The following ITGA8 variants were observed in gnomAD, a reference collection of about 807,000 sequenced individuals.
ITGA8 encodes the protein integrin subunit alpha 8.
ITGA8 carries 91 observed loss-of-function variants against 142.3 expected under a neutral mutation model. The ratio of observed to expected loss-of-function variants is 0.64; its 90% CI spans 0.54 to 0.76. The LOEUF is 0.76. Ranked by LOEUF, ITGA8 falls within the 30% of genes least tolerant of loss-of-function variation. The pLI is 0.00. For missense variants in ITGA8, 1,406 were observed against 1,327.7 expected, an observed-to-expected ratio of 1.06 and a Z score of -0.92; for synonymous variants, 505 against 485.2, an observed-to-expected ratio of 1.04 and a Z score of -0.54.
chr10:15,676,310 G>A (rs1184313446), intron 6 of ITGA8, among the ~76,000 whole-genome samples: 1 of 152,166 alleles, frequency 6.6e-6, no homozygotes, highest in Non-Finnish European at 1.5e-5. Flanking sequence ...GCAAGAATTA[G>A]AAGACGTAAT....
intron 4 of ITGA8, among the ~76,000 whole-genome samples, chr10:15,682,268 G>C (rs1435420501): frequency 6.6e-6 from 1 of 152,074 alleles, no homozygotes; most frequent in Non-Finnish European, 1.5e-5. Flanking sequence ...CCTTGAACAG[G>C]GGGCTTTTTC....
intron 8 of ITGA8, among the ~76,000 whole-genome samples, chr10:15,668,472 C>T (rs964132844): frequency 8.1e-5 from 12 of 148,370 alleles, no homozygotes; most frequent in Admixed American, 3.4e-4. Flanking sequence ...ACTCTTTATG[C>T]GATTTGCCAG....
intron 25 of ITGA8, among the ~76,000 whole-genome samples, 179 bp from the exon 26 acceptor site, chr10:15,558,381 A>G (rs1833920953): frequency 6.6e-6 from 1 of 152,222 alleles, no homozygotes; most frequent in African/African-American, 2.4e-5. Context: ...CACAAGGAAC[A>G]AGCTTTTCCA....
At chr10:15,691,504 C>T (rs575859394) in intron 2 of ITGA8, among the ~76,000 whole-genome samples, 2 of 152,246 alleles carry the variant, frequency 1.3e-5, no homozygotes, top group African/African-American at 4.8e-5. Flanking sequence ...ACAATTTTGC[C>T]TTAAAAGAGG....
At chr10:15,685,717 A>G (rs1387307315) in intron 3 of ITGA8, among the ~76,000 whole-genome samples, 1 of 152,206 alleles carries the variant, frequency 6.6e-6, no homozygotes, top group Non-Finnish European at 1.5e-5. Flanking sequence ...TTAGAATTAC[A>G]TTATGGTAAA....
At chr10:15,528,994 CCTTCTT>C (rs766022075) in intron 28 of ITGA8, among the ~76,000 whole-genome samples, 20 of 124,102 alleles carry the variant, frequency 1.6e-4, no homozygotes, top group African/African-American at 5.8e-4. Flanking sequence ...TTCTTTCCTT[CCTTCTT>C]CCCTTCCCCT....
intron 8 of ITGA8, among the ~76,000 whole-genome samples, chr10:15,667,351 T>G (rs538535103): frequency 4.5e-4 from 69 of 152,146 alleles, no homozygotes; most frequent in East Asian, 9.7e-4. Flanking sequence ...ATTTCTGTGG[T>G]ATCGGTGGTG....
At chr10:15,565,807 T>C (rs10796317) in intron 25 of ITGA8, among the ~76,000 whole-genome samples, 151,422 of 151,864 alleles carry the variant, frequency 1, 75,494 homozygotes, top group Middle Eastern at 1. Flanking sequence ...CCAGGCTGGT[T>C]TTGAACTCCT....
chr10:15,703,439 T>G (rs1189048768), intron 2 of ITGA8, among the ~76,000 whole-genome samples: 1 of 152,210 alleles, frequency 6.6e-6, no homozygotes, highest in African/African-American at 2.4e-5. Flanking sequence ...CTAAGTAGTA[T>G]GTATGATTTG....
At chr10:15,681,334 G>A (rs1834733274) in intron 4 of ITGA8, among the ~76,000 whole-genome samples, 1 of 152,124 alleles carries the variant, frequency 6.6e-6, no homozygotes, top group Admixed American at 6.5e-5. Flanking sequence ...GATCTGAGGA[G>A]GAAGAAGTAC....
intron 12 of ITGA8, among the ~76,000 whole-genome samples, chr10:15,645,166 T>C (rs1319496498): frequency 2.0e-5 from 3 of 151,498 alleles, no homozygotes; most frequent in African/African-American, 7.3e-5. Flanking sequence ...TATTGTCTTG[T>C]GTCAGGCGAA....
chr10:15,566,145 C>T (rs933702024), intron 25 of ITGA8, among the ~76,000 whole-genome samples: 11 of 152,146 alleles, frequency 7.2e-5, no homozygotes, highest in Admixed American at 1.3e-4. Context: ...TCCTAAAGAA[C>T]GGACGGTTTC....
At chr10:15,642,225 CCTGAAGGG>C (rs1283389246) in intron 13 of ITGA8, among the ~76,000 whole-genome samples, 1 of 152,114 alleles carries the variant, frequency 6.6e-6, no homozygotes, top group Non-Finnish European at 1.5e-5. Context: ...ATTTTTTCTC[CCTGAAGGG>C]AGTATTCCTG....
chr10:15,673,376 C>T (rs1277044141), intron 6 of ITGA8, among the ~76,000 whole-genome samples: 1 of 152,124 alleles, frequency 6.6e-6, no homozygotes, highest in Non-Finnish European at 1.5e-5. Context: ...AGCCACAGCG[C>T]CCGGCCATGA....
intron 2 of ITGA8, among the ~76,000 whole-genome samples, chr10:15,705,667 C>A (rs1213736065): frequency 1.3e-5 from 2 of 152,214 alleles, no homozygotes; most frequent in Non-Finnish European, 2.9e-5. Flanking sequence ...GCTACACACA[C>A]TTACTCTCTC....
chr10:15,616,602 G>A, intron 13 of ITGA8, 43 bp from the exon 14 acceptor site: 1 of 1,540,838 alleles, frequency 6.5e-7, no homozygotes, highest in Non-Finnish European at 9.0e-7. Context: ...GAATCGTATA[G>A]AAACAATTTA....
At chr10:15,629,676 C>T (rs954636737) in intron 13 of ITGA8, among the ~76,000 whole-genome samples, 1 of 152,070 alleles carries the variant, frequency 6.6e-6, no homozygotes, top group Non-Finnish European at 1.5e-5. Context: ...CCTGGAATCC[C>T]AGCACTATGG....
intron 13 of ITGA8, among the ~76,000 whole-genome samples, chr10:15,620,034 A>T (rs1833460444): frequency 6.6e-6 from 1 of 152,270 alleles, no homozygotes; most frequent in South Asian, 2.1e-4. Flanking sequence ...CCAGGGCAGG[A>T]ATCTTTACGT....
intron 8 of ITGA8, among the ~76,000 whole-genome samples, chr10:15,670,557 T>C (rs896096473): frequency 1.3e-5 from 2 of 152,108 alleles, no homozygotes; most frequent in African/African-American, 4.8e-5. Context: ...ATAATAACAA[T>C]ACATAACAAT....
Sources: allele counts gnomAD v4.1 joint callset (sites outside exome capture counted in the v4.1 genomes callset), GRCh38; gene constraint gnomAD v4.1.1; transcripts MANE v1.5; gene names NCBI Gene and HGNC (gene_info 2026-07-23, HGNC 2026-07-21).